TESMIN: variants seen among roughly 807,000 people sequenced by gnomAD.
TESMIN encodes testis expressed metallothionein like protein, also known as CXC domain containing 2.
In TESMIN, 34 loss-of-function variants were observed where a neutral mutation model predicts 47.4. The observed-to-expected ratio is 0.72, with a 90% CI of 0.55 to 0.96. The LOEUF (loss-of-function observed/expected upper bound fraction) is 0.96, where lower values mean the gene tolerates loss of function less well. TESMIN is among the 40% of genes least tolerant of loss of function. The pLI is 0.00. For synonymous variants in TESMIN, 278 were observed against 258.9 expected (o/e 1.07, Z -0.71); for missense variants, 610 against 637.2 (o/e 0.96, Z 0.46).
chr11:68,721,888 G>A (rs576587630), intron 6 of TESMIN, among the ~76,000 whole-genome samples: 1 of 152,274 alleles, frequency 6.6e-6, no homozygotes, highest in East Asian at 1.9e-4. Flanking sequence ...TTCCTAGTGG[G>A]GGTATAAAAT....
At chr11:68,714,609 C>T (rs545919093) in intron 7 of TESMIN, among the ~76,000 whole-genome samples, 1 of 152,356 alleles carries the variant, frequency 6.6e-6, no homozygotes, top group South Asian at 2.1e-4. Flanking sequence ...CACTGCTGCG[C>T]TTAGCTGTAG....
intron 5 of TESMIN, among the ~76,000 whole-genome samples, 195 bp from the exon 6 acceptor site, chr11:68,738,983 G>GT: frequency 0.017 from 1 of 60 alleles, no homozygotes; most frequent in East Asian, 0.5. Context: ...GTGTGTCACA[G>GT]CCTGTCTGGA....
intron 6 of TESMIN, chr11:68,736,223 G>A (rs1946385101): frequency 1.0e-6 from 1 of 985,278 alleles, no homozygotes; most frequent in South Asian, 4.7e-5. Context: ...TTACCAGATT[G>A]GTAATAGGAT....
chr11:68,745,074 C>A lies in TESMIN; in HGVS notation c.668G>T (p.Cys223Phe). 1 of 1,590,382 alleles carries A rather than the reference C, an allele frequency of 6.3e-7. No homozygotes were observed. ...TTCTCTTGTTCTAGAATTGTCTATA[C>A]ATAGCATTTGTGTGCCCCCTTTCAA... ...CQLKGGTQML[C>F]IDNSRTRELK... is the part of the protein sequence containing the mutation. Residue 223 changes from cysteine to phenylalanine, a missense_variant, in exon 4 of 10, where the codon TGT becomes TTT. Coordinates refer to ENST00000255087, the MANE Select transcript of TESMIN (RefSeq NM_004923.3).
chr11:68,720,040 T>A (rs6591351), intron 6 of TESMIN, among the ~76,000 whole-genome samples: 105,393 of 151,388 alleles, frequency 0.7, 37,290 homozygotes, highest in East Asian at 0.86. Context: ...TGCACTAGAG[T>A]AGAAAGATAC....
intron 6 of TESMIN, among the ~76,000 whole-genome samples, chr11:68,729,661 T>C (rs1247013555): frequency 6.6e-6 from 1 of 152,126 alleles, no homozygotes; most frequent in Non-Finnish European, 1.5e-5. Context: ...TGTGACTGAA[T>C]TGTTTCATTA....
At chr11:68,737,848 G>T in intron 6 of TESMIN, 1 of 849,446 alleles carries the variant, frequency 1.2e-6, no homozygotes, top group Non-Finnish European at 1.4e-6. Flanking sequence ...AGGAGGCGGA[G>T]GTTGCAGTGA....
chr11:68,748,465 T>G (rs925086000), intron 2 of TESMIN, among the ~76,000 whole-genome samples: 2 of 152,372 alleles, frequency 1.3e-5, no homozygotes, highest in East Asian at 3.9e-4. Flanking sequence ...TAGATTTAAC[T>G]TATCTCCCTG....
intron 2 of TESMIN, among the ~76,000 whole-genome samples, chr11:68,749,170 C>T (rs1426309504): frequency 1.3e-5 from 2 of 152,224 alleles, no homozygotes; most frequent in African/African-American, 4.8e-5. Flanking sequence ...TGAGAAAGAC[C>T]TCTGTCCTGG....
intron 6 of TESMIN, among the ~76,000 whole-genome samples, chr11:68,727,925 T>C (rs1197548101): frequency 6.6e-6 from 1 of 152,228 alleles, no homozygotes; most frequent in Non-Finnish European, 1.5e-5. Context: ...GCAATTGTTT[T>C]GGAGTACCAC....
At chr11:68,711,168 T>A (rs1946062470) in intron 8 of TESMIN, 119 bp from the exon 9 acceptor site, 11 of 822,338 alleles carry the variant, frequency 1.3e-5, no homozygotes, top group Non-Finnish European at 2.1e-5. Context: ...AGAGAGTGTG[T>A]GTGTGTCTGT....
chr11:68,744,270 T>TC (rs1380785437), intron 4 of TESMIN, among the ~76,000 whole-genome samples: 1 of 152,192 alleles, frequency 6.6e-6, no homozygotes, highest in Admixed American at 6.5e-5. Context: ...CAGTGAATAT[T>TC]CTCTCGTTAA....
intron 4 of TESMIN, among the ~76,000 whole-genome samples, chr11:68,743,533 G>A (rs1336941029): frequency 6.6e-6 from 1 of 152,074 alleles, no homozygotes; most frequent in Non-Finnish European, 1.5e-5. Context: ...ATAGGCGTGA[G>A]CCACGGCAGC....
intron 6 of TESMIN, among the ~76,000 whole-genome samples, chr11:68,730,818 A>T (rs1166444442): frequency 6.6e-6 from 1 of 152,088 alleles, no homozygotes; most frequent in Non-Finnish European, 1.5e-5. Flanking sequence ...AAAAAAATTT[A>T]AAATCCATCA....
Position 68,745,018 on chromosome 11 carries a change from G to C in TESMIN, c.724C>G (p.Gln242Glu), listed in dbSNP as rs1396495092. The change falls in exon 4 of 10, where the codon CAA becomes GAA. Residue 242 changes from glutamine (Q) to glutamate (E), a missense_variant. Coordinates refer to ENST00000255087, the MANE Select transcript of TESMIN (RefSeq NM_004923.3). ...LKALHLVPQY[Q>E]DQNNYLQSDV... Reference sequence around the variant, plus strand: ...GACTGTAGATAATTATTTTGATCTTGATACTGAGGAACCAAATGGAGTGCT... The same window carrying C: ...GACTGTAGATAATTATTTTGATCTTCATACTGAGGAACCAAATGGAGTGCT... 6.3e-7 allele frequency: 1 copy of C among 1,579,754 alleles called. No individual in the cohort carries two copies. The highest frequency in any genetic ancestry group is 8.6e-7 in the Non-Finnish European group (1 of 1,168,700).
rs750786155 is a variant in TESMIN, at chr11:68,745,070, T to C, written c.672A>G (p.Ile224Met). The change falls in exon 4 of 10, where the codon ATA becomes ATG. Residue 224 changes from isoleucine (I) to methionine (M), a missense_variant. By Grantham distance (10) the Ile-to-Met change is conservative (BLOSUM62 1). Coordinates refer to ENST00000255087, the MANE Select transcript of TESMIN (RefSeq NM_004923.3). ...QLKGGTQMLC[I>M]DNSRTRELKA... ...TTAGTTCTCTTGTTCTAGAATTGTCTATACATAGCATTTGTGTGCCCCCTT... is the reference window on the plus strand; with the variant it reads ...TTAGTTCTCTTGTTCTAGAATTGTCCATACATAGCATTTGTGTGCCCCCTT... The C allele has an allele frequency of 6.3e-7, 1 of 1,591,142 alleles. No homozygotes were observed. Among genetic ancestry groups the C allele is most frequent in the South Asian group, 1.2e-5 (1 of 85,038 alleles).
chr11:68,713,300 G>C lies in TESMIN; in HGVS notation c.1128C>G (p.Gly376=). 6.2e-7 allele frequency: 1 copy of C among 1,614,168 alleles called. No individual in the cohort carries two copies. The highest frequency in any genetic ancestry group is 1.1e-5 in the South Asian group (1 of 91,084). Residue 376 remains glycine (G), a synonymous_variant, in exon 8 of 10, where the codon GGC becomes GGG. Coordinates refer to ENST00000255087, the MANE Select transcript of TESMIN (RefSeq NM_004923.3). ...HNKGCNCRRS[G]CLKNYCECYE... ...AGCACTCGCAGTAATTCTTCAGGCA[G>C]CCTGACCTCCTGCAGTTGCACCCTT...
intron 6 of TESMIN, among the ~76,000 whole-genome samples, chr11:68,726,704 G>T (rs1348816976): frequency 6.6e-6 from 1 of 152,128 alleles, no homozygotes; most frequent in Non-Finnish European, 1.5e-5. Flanking sequence ...AATTCTGGTG[G>T]CAATAATTAA....
intron 6 of TESMIN, chr11:68,737,641 G>C: frequency 1.0e-6 from 1 of 985,760 alleles, no homozygotes; most frequent in Non-Finnish European, 1.2e-6. Flanking sequence ...CTGCAGGCAG[G>C]CCGGGCACGC....
Sources: gnomAD v4.1 joint callset for allele counts (sites outside exome capture counted in the v4.1 genomes callset) on GRCh38, gnomAD v4.1.1 for gene constraint, MANE v1.5 for transcripts, NCBI Gene and HGNC (gene_info 2026-07-23, HGNC 2026-07-21) for gene names.